HEPH: variants seen among roughly 807,000 people sequenced by gnomAD.
HEPH encodes hephaestin.
HEPH carries 69 observed loss-of-function variants against 80.8 expected under a neutral mutation model. The observed-to-expected ratio is 0.85, with a 90% CI of 0.70 to 1.04. The LOEUF (loss-of-function observed/expected upper bound fraction) is 1.04. Ranked by LOEUF, HEPH falls within the 50% of genes least tolerant of loss-of-function variation. HEPH has a pLI of 0.00. For missense variants in HEPH, 1,115 were observed against 891.3 expected, an observed-to-expected ratio of 1.25 and a Z score of -3.20; for synonymous variants, 431 against 322.8, an observed-to-expected ratio of 1.34 and a Z score of -3.60.
At chrX:66,174,948 T>A (rs1325571662) in intron 4 of HEPH, among the ~76,000 whole-genome samples, 1 of 111,540 alleles carries the variant, frequency 9.0e-6, no homozygotes, top group Non-Finnish European at 1.9e-5. Flanking sequence ...TTGTGAAGAT[T>A]TTTTCCCACT....
intron 15 of HEPH, among the ~76,000 whole-genome samples, chrX:66,223,233 C>T (rs929586822): frequency 3.6e-5 from 4 of 111,486 alleles, no homozygotes; most frequent in East Asian, 5.6e-4. Context: ...GGAAGATAAA[C>T]GAAGTATATA....
At chrX:66,180,896 G>C (rs2087108575) in intron 4 of HEPH, among the ~76,000 whole-genome samples, 1 of 86,886 alleles carries the variant, frequency 1.2e-5, no homozygotes, top group Non-Finnish European at 2.2e-5. Flanking sequence ...CCCTTCCTGT[G>C]TCCATGTGAT....
chrX:66,189,475 C>T (rs186016425), intron 5 of HEPH, among the ~76,000 whole-genome samples: 58 of 111,056 alleles, frequency 5.2e-4, no homozygotes, highest in African/African-American at 1.8e-3. Context: ...TCTTGGTTTT[C>T]TCTCTCTCTC....
chrX:66,257,804 C>T (rs1316696036), intron 17 of HEPH, among the ~76,000 whole-genome samples: 1 of 111,491 alleles, frequency 9.0e-6, no homozygotes, highest in African/African-American at 3.3e-5. Context: ...TAAATGATTG[C>T]TTCCTCTCTT....
chrX:66,190,000 G>A (rs1159691658), intron 6 of HEPH, 62 bp downstream of exon 6: 4 of 1,087,363 alleles, frequency 3.7e-6, no homozygotes, highest in African/African-American at 3.8e-5. Context: ...GGTCAAGGGA[G>A]GCTGGGTTTC....
chrX:66,248,604 T>C (rs765139378), intron 15 of HEPH, among the ~76,000 whole-genome samples: 2 of 112,309 alleles, frequency 1.8e-5, no homozygotes, highest in South Asian at 7.4e-4. Context: ...ATGCTGAGGT[T>C]GCTAAGATTG....
intron 15 of HEPH, among the ~76,000 whole-genome samples, chrX:66,212,715 G>T (rs1271883193): frequency 9.0e-6 from 1 of 111,425 alleles, no homozygotes; most frequent in Non-Finnish European, 1.9e-5. Context: ...GATTACCATA[G>T]CCTTTTAATA....
intron 15 of HEPH, among the ~76,000 whole-genome samples, chrX:66,248,501 A>G (rs186158480): frequency 8.9e-5 from 10 of 112,028 alleles, no homozygotes; most frequent in African/African-American, 2.9e-4. Flanking sequence ...TAGAGTAATG[A>G]TGCTGGCAAT....
At chrX:66,251,128 C>T (rs1303780108) in intron 15 of HEPH, among the ~76,000 whole-genome samples, 2 of 112,180 alleles carry the variant, frequency 1.8e-5, no homozygotes, top group Non-Finnish European at 3.8e-5. Flanking sequence ...AGTGATCCAC[C>T]CACTGTGGCC....
At chrX:66,167,644 G>T (rs983732010) in intron 1 of HEPH, among the ~76,000 whole-genome samples, 1 of 112,155 alleles carries the variant, frequency 8.9e-6, no homozygotes, top group African/African-American at 3.2e-5. Flanking sequence ...AGAGCTATGT[G>T]TAGGTGTATG....
At chrX:66,176,531 G>A (rs2086809340) in intron 4 of HEPH, among the ~76,000 whole-genome samples, 1 of 110,576 alleles carries the variant, frequency 9.0e-6, no homozygotes, top group Non-Finnish European at 1.9e-5. Context: ...TAAGTTTTAG[G>A]GTACATGTGC....
rs746631941 is a variant in HEPH, at chrX:66,188,343, G to C, written c.626-16G>C. On this transcript the variant is annotated splice_polypyrimidine_tract_variant and intron_variant, in intron 4 of 20. Coordinates refer to ENST00000343002, the MANE Select transcript of HEPH (RefSeq NM_001367233.3). ...GGAAAGGATCTTCTCAAGGGAAACT[G>C]TCTTACTTGCCCTAGGAGCCCTGGA... is the stretch of plus-strand genomic sequence containing the variant. The C allele has an allele frequency of 3.5e-6, 4 of 1,159,027 alleles. No individual in the cohort carries two copies. The highest frequency in any genetic ancestry group is 4.6e-6 in the Non-Finnish European group (4 of 865,552).
chrX:66,262,987 C>G (rs2091415900), intron 19 of HEPH, among the ~76,000 whole-genome samples: 1 of 110,787 alleles, frequency 9.0e-6, no homozygotes, highest in African/African-American at 3.3e-5. Context: ...GGGCTAGAAA[C>G]TGTGAGGCTT....
At chrX:66,221,130 G>A (rs2089628481) in intron 15 of HEPH, among the ~76,000 whole-genome samples, 1 of 111,286 alleles carries the variant, frequency 9.0e-6, no homozygotes, top group East Asian at 2.8e-4. Context: ...TCAGCTTCCG[G>A]GTGTGACTGG....
intron 15 of HEPH, among the ~76,000 whole-genome samples, chrX:66,244,163 A>G (rs1017417940): frequency 1.8e-5 from 2 of 111,547 alleles, no homozygotes; most frequent in African/African-American, 6.5e-5. Flanking sequence ...AGGAATAGTC[A>G]TCTTGTATAG....
chrX:66,191,963 C>G (rs1489700609), intron 6 of HEPH, among the ~76,000 whole-genome samples, 167 bp from the exon 7 acceptor site: 1 of 111,553 alleles, frequency 9.0e-6, no homozygotes, highest in East Asian at 2.8e-4. Flanking sequence ...GACTCTCTCT[C>G]TCAGCCATGC....
intron 17 of HEPH, among the ~76,000 whole-genome samples, chrX:66,258,581 G>A (rs1023817999): frequency 1.8e-5 from 2 of 111,421 alleles, no homozygotes; most frequent in Non-Finnish European, 3.8e-5. Flanking sequence ...GCTCTTTGGA[G>A]CAGGAGAGAG....
Position 66,200,451 on chromosome X carries a change from C to T in HEPH, c.1865-89C>T. ...TCAGCAGTTTCAAGTTGTGTGAAACCATAGTACATAGCTGATGCCATGCTC... is the reference window on the plus strand; with the variant it reads ...TCAGCAGTTTCAAGTTGTGTGAAACTATAGTACATAGCTGATGCCATGCTC... On this transcript the variant is annotated intron_variant, in intron 11 of 20. Transcript: ENST00000343002. The T allele has an allele frequency of 4.2e-6, 3 of 721,305 alleles. No individual in the cohort carries two copies. In the East Asian group the frequency reaches 1.1e-4, roughly 25 times the overall value. 59.4% of individuals were successfully genotyped at this position (721,305 alleles called of 1,213,427 possible).
intron 3 of HEPH, among the ~76,000 whole-genome samples, chrX:66,172,963 A>G (rs2086653498): frequency 8.9e-6 from 1 of 112,671 alleles, no homozygotes; most frequent in African/African-American, 3.2e-5. Context: ...CTAGTGTCAC[A>G]GTCTTCTGAA....
Sources: gnomAD v4.1 joint callset for allele counts (sites outside exome capture counted in the v4.1 genomes callset) on GRCh38, gnomAD v4.1.1 for gene constraint, MANE v1.5 for transcripts, NCBI Gene and HGNC (gene_info 2026-07-23, HGNC 2026-07-21) for gene names.